The following TMC1 variants were observed in gnomAD, a reference collection of about 807,000 sequenced individuals.
The protein encoded by TMC1 is transmembrane channel-like protein 1.
Under a neutral mutation model 105.8 loss-of-function variants are expected in TMC1, and 84 were observed. The observed-to-expected ratio is 0.79, with a 90% CI of 0.67 to 0.95. The LOEUF (loss-of-function observed/expected upper bound fraction) is 0.95. Ranked by LOEUF, TMC1 falls within the 40% of genes least tolerant of loss-of-function variation. TMC1 has a pLI of 0.00. For missense variants in TMC1, 817 were observed against 914.1 expected (o/e 0.89, Z 1.37); for synonymous variants, 315 against 311.5 (o/e 1.01, Z -0.12).
At chr9:72,744,824 A>G (rs987593257) in intron 10 of TMC1, among the ~76,000 whole-genome samples, 2 of 152,248 alleles carry the variant, frequency 1.3e-5, no homozygotes, top group African/African-American at 4.8e-5. Flanking sequence ...GGCTATAGCC[A>G]GTGAAACAAA....
rs561088485 is a variant in TMC1, at chr9:72,773,078, T to G, written c.884+523T>G. On this transcript the variant is annotated intron_variant, in intron 13 of 23. Coordinates refer to ENST00000297784, the MANE Select transcript of TMC1 (RefSeq NM_138691.3). Reference sequence around the variant, plus strand: ...TCAACTGTATAATCATGGTTTGTCTTGGGAAAAGATTTATTGGAGTATGGG... The same window carrying G: ...TCAACTGTATAATCATGGTTTGTCTGGGGAAAAGATTTATTGGAGTATGGG... 1.4e-3 allele frequency among the ~76,000 whole-genome samples: 208 copies of G among 152,262 alleles called. 1 individual carries two copies. The highest frequency in any genetic ancestry group is 2.9e-3 in the Admixed American group (45 of 15,298).
chr9:72,738,212 G>A (rs575570755), intron 8 of TMC1, among the ~76,000 whole-genome samples: 2 of 152,252 alleles, frequency 1.3e-5, no homozygotes, highest in African/African-American at 2.4e-5. Flanking sequence ...TTTGATGACC[G>A]AAGAGAGTCT....
chr9:72,762,892 G>A, intron 12 of TMC1, among the ~76,000 whole-genome samples: 1 of 152,136 alleles, frequency 6.6e-6, no homozygotes, highest in East Asian at 1.9e-4. Context: ...ATTAAAAGAA[G>A]ATGCATTTCA....
intron 1 of TMC1, among the ~76,000 whole-genome samples, chr9:72,543,793 G>A (rs1178838223): frequency 6.6e-6 from 1 of 151,738 alleles, no homozygotes; most frequent in Non-Finnish European, 1.5e-5. Flanking sequence ...TTAAGAGAAG[G>A]GTCTCTCTGT....
chr9:72,620,475 G>A (rs58037525), intron 3 of TMC1, among the ~76,000 whole-genome samples: 2 of 151,794 alleles, frequency 1.3e-5, no homozygotes, highest in African/African-American at 2.4e-5. Context: ...GATCTTGAAT[G>A]CCTGGACTCA....
intron 17 of TMC1, among the ~76,000 whole-genome samples, chr9:72,800,822 G>A (rs73647822): frequency 0.017 from 2,587 of 152,186 alleles, 60 homozygotes; most frequent in African/African-American, 0.054. Context: ...GTTCTGACTG[G>A]AATGTTGATT....
chr9:72,564,950 C>CTG (rs1184555542), intron 1 of TMC1, among the ~76,000 whole-genome samples: 42 of 152,186 alleles, frequency 2.8e-4, no homozygotes, highest in African/African-American at 1.0e-3. Flanking sequence ...TTTAAAACAA[C>CTG]TGCTACATAT....
intron 2 of TMC1, among the ~76,000 whole-genome samples, chr9:72,606,187 G>GTAGT (rs1184551143): frequency 1.3e-5 from 2 of 152,196 alleles, no homozygotes; most frequent in Non-Finnish European, 2.9e-5. Context: ...GCTCACTGGT[G>GTAGT]TAGTTGTTGG....
At chr9:72,599,810 CA>C (rs912824750) in intron 2 of TMC1, among the ~76,000 whole-genome samples, 97 of 112,108 alleles carry the variant, frequency 8.7e-4, no homozygotes, top group South Asian at 1.9e-3. Flanking sequence ...AACTCCATTT[CA>C]AAAAAAAAAA....
At chr9:72,733,043 C>A (rs1827240357) in intron 8 of TMC1, among the ~76,000 whole-genome samples, 1 of 152,138 alleles carries the variant, frequency 6.6e-6, no homozygotes, top group African/African-American at 2.4e-5. Context: ...GATTCAAACC[C>A]CTGTCCCAAT....
At chr9:72,772,688 T>C (rs916689977) in intron 13 of TMC1, 133 bp downstream of exon 13, 14 of 1,182,524 alleles carry the variant, frequency 1.2e-5, no homozygotes, top group Non-Finnish European at 1.7e-5. Context: ...AGATGAAATG[T>C]AGTTTTAATA....
intron 13 of TMC1, among the ~76,000 whole-genome samples, chr9:72,786,798 C>G (rs772889540): frequency 6.6e-6 from 1 of 152,146 alleles, no homozygotes; most frequent in Non-Finnish European, 1.5e-5. Context: ...TCTGCTCATT[C>G]AGTTCGGGCT....
intron 8 of TMC1, among the ~76,000 whole-genome samples, chr9:72,735,365 T>C (rs1259351323): frequency 1.3e-5 from 2 of 152,236 alleles, no homozygotes; most frequent in African/African-American, 2.4e-5. Flanking sequence ...TAGAAAAATC[T>C]CTTTAATTTA....
chr9:72,662,096 A>G (rs1009590564), intron 5 of TMC1, among the ~76,000 whole-genome samples: 3 of 152,168 alleles, frequency 2.0e-5, no homozygotes, highest in East Asian at 3.8e-4. Flanking sequence ...GTAACATTTA[A>G]TAAGCACTAA....
chr9:72,772,257 A>G (rs1185966451), intron 12 of TMC1, among the ~76,000 whole-genome samples, 156 bp from the exon 13 acceptor site: 1 of 152,204 alleles, frequency 6.6e-6, no homozygotes, highest in Non-Finnish European at 1.5e-5. Context: ...GGCAGCTGAA[A>G]CATTCACTTT....
chr9:72,683,737 A>G lies in TMC1; in HGVS notation c.17-4972A>G, dbSNP rs1482582531. Among the ~76,000 whole-genome samples, 3 of 62,506 alleles carry G rather than the reference A, an allele frequency of 4.8e-5. No individual in the cohort carries two copies. The South Asian group carries it at 1.4e-3, about 29-fold the overall frequency. 41.0% of individuals were successfully genotyped at this position (62,506 alleles called of 152,430 possible). ...AGTTAACCTGAGTTACACATTTTATATATATATATATATATATATATATAT... is the reference window on the plus strand; with the variant it reads ...AGTTAACCTGAGTTACACATTTTATGTATATATATATATATATATATATAT... On this transcript the variant is annotated intron_variant, in intron 5 of 23. Transcript: ENST00000297784.
At position 72,740,031 on chromosome 9, in the gene TMC1, C is replaced by T. The variant is rs148152869; in HGVS notation, c.363-88C>T. ...GATCTAGAAGAAATAAGACTGCAGACCTGGTAAATTCAAATGTCCACTACT... is the reference window on the plus strand; with the variant it reads ...GATCTAGAAGAAATAAGACTGCAGATCTGGTAAATTCAAATGTCCACTACT... On this transcript the variant is annotated intron_variant, in intron 8 of 23. Transcript: ENST00000297784. 45 of 987,456 alleles carry T rather than the reference C, an allele frequency of 4.6e-5. No homozygotes were observed. In the East Asian group the frequency reaches 1.1e-3, roughly 24 times the overall value. 61.2% of individuals were successfully genotyped at this position (987,456 alleles called of 1,614,324 possible). A position where few individuals can be genotyped will look rare whatever the true frequency, so the allele number is the denominator to read the frequency against.
At chr9:72,727,680 T>C (rs1362100685) in intron 8 of TMC1, among the ~76,000 whole-genome samples, 1 of 152,166 alleles carries the variant, frequency 6.6e-6, no homozygotes, top group Non-Finnish European at 1.5e-5. Flanking sequence ...GGGCTGGTGA[T>C]TTTAAGATTC....
At chr9:72,667,855 G>C (rs1826068457) in intron 5 of TMC1, among the ~76,000 whole-genome samples, 1 of 152,190 alleles carries the variant, frequency 6.6e-6, no homozygotes, top group Non-Finnish European at 1.5e-5. Context: ...TAGGATGGGA[G>C]TGATGACTTC....
Sources: allele counts gnomAD v4.1 joint callset (sites outside exome capture counted in the v4.1 genomes callset), GRCh38; gene constraint gnomAD v4.1.1; transcripts MANE v1.5; gene names NCBI Gene and HGNC (gene_info 2026-07-23, HGNC 2026-07-21).